C12orf42: variants seen among roughly 807,000 people sequenced by gnomAD.
C12orf42 encodes chromosome 12 open reading frame 42, also known as uncharacterized protein C12orf42.
Under a neutral mutation model 21.6 loss-of-function variants are expected in C12orf42, and 25 were observed. The ratio of observed to expected loss-of-function variants is 1.16; its 90% CI spans 0.84 to 1.62. The LOEUF is 1.62. Among genes scored for constraint, C12orf42 ranks in the 40% most tolerant of loss-of-function variants. C12orf42 has a pLI of 0.00. For synonymous variants in C12orf42, 174 were observed against 175.0 expected (o/e 0.99, Z 0.05); for missense variants, 483 against 459.3 (o/e 1.05, Z -0.47).
chr12:103,530,538 T>C, the C12orf42 span, among the ~76,000 whole-genome samples: 1 of 152,162 alleles, frequency 6.6e-6, no homozygotes. Flanking sequence ...GGGTGGGTTT[T>C]CTCTGTTGTT....
At chr12:103,219,043 C>A in the C12orf42 span, among the ~76,000 whole-genome samples, 2 of 152,042 alleles carry the variant, frequency 1.3e-5, no homozygotes, top group South Asian at 4.1e-4. Flanking sequence ...CCCAGTGGCA[C>A]CTGGAATGCC....
chr12:103,224,241 G>T, the C12orf42 span, among the ~76,000 whole-genome samples: 2 of 152,210 alleles, frequency 1.3e-5, no homozygotes, highest in Non-Finnish European at 2.9e-5. Flanking sequence ...GATGTGTAGG[G>T]AAGGGAGGCG....
At chr12:103,314,928 T>A (rs1416367078) in intron 4 of C12orf42, among the ~76,000 whole-genome samples, 1 of 152,294 alleles carries the variant, frequency 6.6e-6, no homozygotes, top group African/African-American at 2.4e-5. Flanking sequence ...GGCTTCAGTA[T>A]AATAACGGTG....
chr12:103,516,497 C>T, the C12orf42 span, among the ~76,000 whole-genome samples: 3 of 152,210 alleles, frequency 2.0e-5, no homozygotes, highest in Non-Finnish European at 4.4e-5. Flanking sequence ...ACTCACAGTT[C>T]CACATGGCTG....
At chr12:103,467,825 C>A (rs1161558301) in intron 2 of C12orf42, among the ~76,000 whole-genome samples, 1 of 152,104 alleles carries the variant, frequency 6.6e-6, no homozygotes, top group East Asian at 1.9e-4. Flanking sequence ...AACCAAACTT[C>A]TTTGTATTTT....
the C12orf42 span, among the ~76,000 whole-genome samples, chr12:103,520,762 A>T: frequency 1.4e-4 from 21 of 152,340 alleles, 1 homozygote; most frequent in African/African-American, 4.3e-4. Context: ...TTAAGGAAAA[A>T]AATGGAACTG....
chr12:103,251,822 A>G (rs1453794599), intron 10 of C12orf42, among the ~76,000 whole-genome samples: 1 of 152,208 alleles, frequency 6.6e-6, no homozygotes, highest in African/African-American at 2.4e-5. Context: ...GCACTAGATC[A>G]GACACTATAT....
At chr12:103,091,537 GA>G in the C12orf42 span, among the ~76,000 whole-genome samples, 2 of 152,108 alleles carry the variant, frequency 1.3e-5, no homozygotes, top group African/African-American at 4.8e-5. Context: ...GAAAGAAACA[GA>G]AAACATGTAA....
At chr12:103,535,973 C>T in the C12orf42 span, among the ~76,000 whole-genome samples, 5 of 152,156 alleles carry the variant, frequency 3.3e-5, no homozygotes, top group Admixed American at 2.6e-4. Flanking sequence ...TAGAGATGCT[C>T]TCTCGCTATG....
chr12:103,084,613 T>C, the C12orf42 span, among the ~76,000 whole-genome samples: 1 of 152,232 alleles, frequency 6.6e-6, no homozygotes, highest in Admixed American at 6.5e-5. Context: ...GATTAGTGCA[T>C]GATGAAATTC....
the C12orf42 span, among the ~76,000 whole-genome samples, chr12:103,119,065 C>T: frequency 2.6e-5 from 4 of 152,054 alleles, no homozygotes; most frequent in East Asian, 1.9e-4. Flanking sequence ...TAAATGGACA[C>T]GGATATCACT....
chr12:103,390,030 C>T (rs766162019), intron 3 of C12orf42, among the ~76,000 whole-genome samples: 1 of 152,126 alleles, frequency 6.6e-6, no homozygotes, highest in Non-Finnish European at 1.5e-5. Context: ...GTACACAACA[C>T]TAGATTGTTG....
At chr12:103,305,881 T>A (rs2038246137) in intron 5 of C12orf42, 93 bp downstream of exon 5, 1 of 1,424,052 alleles carries the variant, frequency 7.0e-7, no homozygotes, top group African/African-American at 1.4e-5. Flanking sequence ...GGACTGGCCA[T>A]GAAGTCAATA....
At chr12:103,561,723 C>T in the C12orf42 span, among the ~76,000 whole-genome samples, 2 of 152,116 alleles carry the variant, frequency 1.3e-5, no homozygotes, top group South Asian at 4.1e-4. Context: ...TTACCCTTTA[C>T]AAAAATGGAA....
At chr12:103,510,025 A>G in the C12orf42 span, among the ~76,000 whole-genome samples, 1 of 152,208 alleles carries the variant, frequency 6.6e-6, no homozygotes, top group African/African-American at 2.4e-5. Flanking sequence ...GAGGAAAAGA[A>G]GTCATCACAT....
At chr12:103,434,961 C>G (rs537538788) in intron 2 of C12orf42, among the ~76,000 whole-genome samples, 1 of 152,340 alleles carries the variant, frequency 6.6e-6, no homozygotes, top group East Asian at 1.9e-4. Flanking sequence ...CACAGACAAA[C>G]AAAAAGACAG....
At chr12:103,378,974 A>G (rs888183507) in intron 3 of C12orf42, among the ~76,000 whole-genome samples, 1 of 152,200 alleles carries the variant, frequency 6.6e-6, no homozygotes, top group African/African-American at 2.4e-5. Context: ...AAAATTAAAC[A>G]GTGAATGAAA....
the C12orf42 span, among the ~76,000 whole-genome samples, chr12:103,502,139 G>C: frequency 6.6e-6 from 1 of 152,026 alleles, no homozygotes; most frequent in South Asian, 2.1e-4. Context: ...CTTATCTTCT[G>C]TCAGTTTCTA....
At chr12:103,453,757 C>A (rs1338125318) in intron 2 of C12orf42, among the ~76,000 whole-genome samples, 1 of 151,886 alleles carries the variant, frequency 6.6e-6, no homozygotes, top group Non-Finnish European at 1.5e-5. Context: ...TATTGAGTGA[C>A]TTTTGATTTT....
Sources: allele counts gnomAD v4.1 joint callset (sites outside exome capture counted in the v4.1 genomes callset), GRCh38; gene constraint gnomAD v4.1.1; transcripts MANE v1.5; gene names NCBI Gene and HGNC (gene_info 2026-07-23, HGNC 2026-07-21).